SLIT3: variants seen among roughly 807,000 people sequenced by gnomAD.
SLIT3 encodes the protein slit guidance ligand 3.
SLIT3 carries 68 observed loss-of-function variants against 184.0 expected under a neutral mutation model. The observed-to-expected ratio is 0.37, with a 90% CI of 0.30 to 0.45. The LOEUF is 0.45. SLIT3 is among the 20% of genes least tolerant of loss of function. The pLI, the probability that SLIT3 is intolerant of heterozygous loss-of-function variation, is 1.00. For missense variants in SLIT3, 1,707 were observed against 2,026.0 expected, an observed-to-expected ratio of 0.84 and a Z score of 3.02; for synonymous variants, 831 against 828.6, an observed-to-expected ratio of 1.00 and a Z score of -0.05.
chr5:169,068,744 C>A (rs1241661590), intron 4 of SLIT3, among the ~76,000 whole-genome samples: 1 of 152,056 alleles, frequency 6.6e-6, no homozygotes, highest in African/African-American at 2.4e-5. Flanking sequence ...ACTAAGCACA[C>A]ACAACACAAC....
chr5:169,168,680 C>T (rs569070642), intron 4 of SLIT3, among the ~76,000 whole-genome samples: 4 of 152,250 alleles, frequency 2.6e-5, no homozygotes, highest in African/African-American at 4.8e-5. Flanking sequence ...GTGACAAAGT[C>T]GAGATTCAGA....
intron 3 of SLIT3, among the ~76,000 whole-genome samples, chr5:169,217,284 T>TA (rs1187713543): frequency 6.6e-6 from 1 of 152,062 alleles, no homozygotes; most frequent in African/African-American, 2.4e-5. Context: ...TTCTTCTTAT[T>TA]AAAAGACAAT....
At chr5:168,978,221 C>A (rs770985500) in intron 4 of SLIT3, among the ~76,000 whole-genome samples, 3 of 152,216 alleles carry the variant, frequency 2.0e-5, no homozygotes, top group African/African-American at 7.2e-5. Context: ...CTGCTAAGTG[C>A]GTAGAAGTTT....
At chr5:168,709,482 C>T (rs1172428946) in intron 25 of SLIT3, among the ~76,000 whole-genome samples, 1 of 152,198 alleles carries the variant, frequency 6.6e-6, no homozygotes, top group Non-Finnish European at 1.5e-5. Context: ...AGCCAGGCTT[C>T]AGTAATTTTA....
chr5:169,292,041 T>C (rs1357543688), intron 1 of SLIT3, among the ~76,000 whole-genome samples: 1 of 152,148 alleles, frequency 6.6e-6, no homozygotes, highest in African/African-American at 2.4e-5. Flanking sequence ...GTTGTTGTCG[T>C]TTACAGAGGC....
intron 2 of SLIT3, among the ~76,000 whole-genome samples, chr5:169,248,982 G>C (rs1230539302): frequency 6.6e-6 from 1 of 152,148 alleles, no homozygotes; most frequent in East Asian, 1.9e-4. Flanking sequence ...AAACTGTTGG[G>C]TGGCCAATTT....
At chr5:169,242,885 T>C (rs1765451758) in intron 3 of SLIT3, among the ~76,000 whole-genome samples, 1 of 152,030 alleles carries the variant, frequency 6.6e-6, no homozygotes, top group Non-Finnish European at 1.5e-5. Flanking sequence ...ATTTCATCGA[T>C]ATTCCCTGGA....
chr5:168,935,432 C>T (rs1762129937), intron 4 of SLIT3, among the ~76,000 whole-genome samples: 1 of 152,176 alleles, frequency 6.6e-6, no homozygotes, highest in African/African-American at 2.4e-5. Context: ...GCTCTGGATT[C>T]CATCTTATCT....
rs1760906280 is a variant in SLIT3, at chr5:168,662,652, GTTTACAC to G, written c.*3795_*3801del. The G allele has an allele frequency of 1.3e-5, 2 of 152,198 alleles. No homozygotes were observed. The highest frequency in any genetic ancestry group is 2.9e-5 in the Non-Finnish European group (2 of 68,044). 9.4% of individuals were successfully genotyped at this position (152,198 alleles called of 1,614,324 possible). ...CAGCATCTTACATTTAAGGTTTTTA[GTTTACAC>G]TTTACAAAGAACTTTTAAATACATA... On this transcript the variant is annotated 3_prime_UTR_variant, in exon 36 of 36. Transcript: ENST00000519560.
chr5:168,806,668 A>G, intron 8 of SLIT3, 81 bp from the exon 9 acceptor site: 1 of 1,529,398 alleles, frequency 6.5e-7, no homozygotes, highest in South Asian at 1.2e-5. Flanking sequence ...CAGCATCCTA[A>G]GGGCAAAGCA....
intron 4 of SLIT3, among the ~76,000 whole-genome samples, chr5:168,950,772 T>C (rs2113239028): frequency 6.6e-6 from 1 of 152,354 alleles, no homozygotes; most frequent in African/African-American, 2.4e-5. Context: ...TTCATGTTTT[T>C]ACCTCAGACT....
At chr5:169,201,887 T>C (rs1442194432) in intron 3 of SLIT3, among the ~76,000 whole-genome samples, 1 of 152,242 alleles carries the variant, frequency 6.6e-6, no homozygotes, top group Non-Finnish European at 1.5e-5. Flanking sequence ...TTGGATATTT[T>C]GTTGAGGACT....
intron 4 of SLIT3, among the ~76,000 whole-genome samples, chr5:169,160,164 G>A (rs563324309): frequency 6.6e-6 from 1 of 152,308 alleles, no homozygotes; most frequent in East Asian, 1.9e-4. Flanking sequence ...CCAAAGAGTT[G>A]TACTTACTGA....
At chr5:168,955,340 C>T (rs1762787749) in intron 4 of SLIT3, among the ~76,000 whole-genome samples, 1 of 152,136 alleles carries the variant, frequency 6.6e-6, no homozygotes, top group Non-Finnish European at 1.5e-5. Context: ...AGAGGCTCTC[C>T]CAAGGGGGAC....
At chr5:168,900,338 G>A (rs1760821500) in intron 4 of SLIT3, among the ~76,000 whole-genome samples, 2 of 152,176 alleles carry the variant, frequency 1.3e-5, no homozygotes, top group African/African-American at 2.4e-5. Flanking sequence ...CTTATGGCCT[G>A]GTACAGTGGC....
chr5:169,098,158 T>G (rs1482503648), intron 4 of SLIT3, among the ~76,000 whole-genome samples: 1 of 152,032 alleles, frequency 6.6e-6, no homozygotes, highest in African/African-American at 2.4e-5. Context: ...TTCTCACACA[T>G]GGGGTTTCAT....
chr5:168,789,551 C>T lies in SLIT3; in HGVS notation c.1079+9G>A, dbSNP rs530188017. 4.8e-5 allele frequency: 77 copies of T among 1,610,518 alleles called. No homozygotes were observed. The South Asian group carries it at 7.4e-4, about 15-fold the overall frequency. ...CCTCACCTCAGGCCCCAACTCGGGC[C>T]CCACTTACAGCGATGTGAGTGATTT... On this transcript the variant is annotated intron_variant, in intron 11 of 35. Coordinates refer to ENST00000519560, the MANE Select transcript of SLIT3 (RefSeq NM_003062.4).
intron 4 of SLIT3, among the ~76,000 whole-genome samples, chr5:168,897,983 C>T (rs548242610): frequency 6.6e-6 from 1 of 152,362 alleles, no homozygotes; most frequent in South Asian, 2.1e-4. Flanking sequence ...TCTCCAGCAG[C>T]TCCAGTCCTT....
At chr5:169,176,887 T>TGCCA (rs971798743) in intron 4 of SLIT3, among the ~76,000 whole-genome samples, 2 of 152,218 alleles carry the variant, frequency 1.3e-5, no homozygotes, top group African/African-American at 4.8e-5. Context: ...TCCCTCTTTC[T>TGCCA]GCCAGCACCC....
Sources: allele counts gnomAD v4.1 joint callset (sites outside exome capture counted in the v4.1 genomes callset), GRCh38; gene constraint gnomAD v4.1.1; transcripts MANE v1.5; gene names NCBI Gene and HGNC (gene_info 2026-07-23, HGNC 2026-07-21).